RC3H1: variants seen among roughly 807,000 people sequenced by gnomAD.
The protein encoded by RC3H1 is roquin-1.
Under a neutral mutation model 138.2 loss-of-function variants are expected in RC3H1, and 50 were observed. The ratio of observed to expected loss-of-function variants is 0.36; its 90% confidence interval spans 0.29 to 0.46. The LOEUF (loss-of-function observed/expected upper bound fraction) is 0.46. RC3H1 is among the 20% of genes least tolerant of loss of function. RC3H1 has a pLI of 1.00. For missense variants in RC3H1, 1,031 were observed against 1,388.1 expected (o/e 0.74, Z 4.09); for synonymous variants, 462 against 489.1 (o/e 0.94, Z 0.73).
At chr1:173,986,542 T>TCTCC (rs376255558) in intron 2 of RC3H1, among the ~76,000 whole-genome samples, 12 of 151,216 alleles carry the variant, frequency 7.9e-5, no homozygotes, top group African/African-American at 2.2e-4. Flanking sequence ...GGCCTCCCTC[T>TCTCC]CTCCCTCCAT....
chr1:174,014,963 A>T (rs543677623), intron 1 of RC3H1, among the ~76,000 whole-genome samples: 1 of 152,352 alleles, frequency 6.6e-6, no homozygotes, highest in African/African-American at 2.4e-5. Flanking sequence ...ATAGCACAAT[A>T]TAACAGTTAA....
rs1658368784 is a variant in RC3H1 at position 173,931,265 on chromosome 1, A to G, written c.*7456T>C. On this transcript the variant is annotated 3_prime_UTR_variant, in exon 20 of 20. Transcript: ENST00000367696. ...AAATGCTGACAGAAAGCAGATAAAGACCTTGTAGACATTTTCATATATTTA... is the reference window on the plus strand; with the variant it reads ...AAATGCTGACAGAAAGCAGATAAAGGCCTTGTAGACATTTTCATATATTTA... 1 of 152,224 alleles carries G rather than the reference A, an allele frequency of 6.6e-6. No individual in the cohort carries two copies. The highest frequency in any genetic ancestry group is 6.5e-5 in the Admixed American group (1 of 15,276). 9.4% of individuals were successfully genotyped at this position (152,224 alleles called of 1,614,324 possible).
At chr1:174,003,302 C>T (rs1035913557) in intron 1 of RC3H1, among the ~76,000 whole-genome samples, 3 of 151,566 alleles carry the variant, frequency 2.0e-5, no homozygotes, top group South Asian at 2.1e-4. Context: ...CAGGAGAATT[C>T]CTTGAACCCA....
At chr1:173,960,245 G>A (rs912984728) in intron 13 of RC3H1, among the ~76,000 whole-genome samples, 8 of 151,740 alleles carry the variant, frequency 5.3e-5, no homozygotes, top group African/African-American at 1.9e-4. Context: ...AACCAAAAAT[G>A]CGCCATTGCA....
chr1:173,948,991 C>T (rs1226778634), intron 14 of RC3H1, among the ~76,000 whole-genome samples: 2 of 151,874 alleles, frequency 1.3e-5, no homozygotes, highest in African/African-American at 2.4e-5. Context: ...AAGTACAAGG[C>T]AAAGATTCCT....
At chr1:173,947,728 GT>G in intron 14 of RC3H1, 146 bp from the exon 15 acceptor site, 1 of 658,992 alleles carries the variant, frequency 1.5e-6, no homozygotes, top group Non-Finnish European at 2.6e-6. Flanking sequence ...TTGTTTTTAT[GT>G]AACACTGGTT....
intron 10 of RC3H1, 138 bp from the exon 11 acceptor site, chr1:173,964,325 A>G (rs1220642028): frequency 7.6e-6 from 5 of 658,638 alleles, no homozygotes; most frequent in Non-Finnish European, 1.0e-5. Flanking sequence ...TGCAATTTTT[A>G]AATCTTATTT....
At chr1:174,006,920 T>C (rs1411700518) in intron 1 of RC3H1, among the ~76,000 whole-genome samples, 1 of 152,152 alleles carries the variant, frequency 6.6e-6, no homozygotes, top group East Asian at 1.9e-4. Context: ...ATCAAGAGTG[T>C]TCAGTTCAAC....
In RC3H1 at chr1:173,983,537, G is replaced by T. The variant is rs779837851; in HGVS notation, c.473C>A (p.Ala158Asp). 1.2e-6 allele frequency: 2 copies of T among 1,614,102 alleles called. No homozygotes were observed. Among genetic ancestry groups the T allele is most frequent in the Non-Finnish European group, 1.7e-6 (2 of 1,180,052 alleles). ...AACTGTTCGTTCACCTAAAGATCGA[G>T]CTGCCCTCATGGCACGAATCCTGCC... ...EEGRIRAMRA[A>D]RSLGERTVTE... Residue 158 changes from alanine to aspartate, a missense_variant, in exon 4 of 20, where the codon GCT becomes GAT. By Grantham distance (126) the Ala-to-Asp change is moderately radical. Transcript: ENST00000367696.
rs185230724 is a variant in RC3H1 at position 173,954,166 on chromosome 1, T to A, written c.2371-2028A>T. On this transcript the variant is annotated intron_variant, in intron 13 of 19. Transcript: ENST00000367696. ...TGTTTTATTCCCAATAGCCAAGATATGGAATCAACCTAGGTATCCAGCAAC... is the reference window on the plus strand; with the variant it reads ...TGTTTTATTCCCAATAGCCAAGATAAGGAATCAACCTAGGTATCCAGCAAC... Among the ~76,000 whole-genome samples, 1,277 of 152,256 alleles carry A rather than the reference T, an allele frequency of 8.4e-3. 12 individuals carry two copies. The highest frequency in any genetic ancestry group is 0.029 in the African/African-American group (1,197 of 41,526).
chr1:173,988,947 T>G (rs1557945592), intron 2 of RC3H1, among the ~76,000 whole-genome samples: 2 of 152,246 alleles, frequency 1.3e-5, no homozygotes, highest in Non-Finnish European at 2.9e-5. Flanking sequence ...TATAAGTCTT[T>G]ATCAGAAATA....
chr1:173,973,179 T>C (rs1305868058), intron 7 of RC3H1, among the ~76,000 whole-genome samples: 3 of 152,188 alleles, frequency 2.0e-5, no homozygotes, highest in Non-Finnish European at 4.4e-5. Context: ...CTGTCTACAG[T>C]TAGTCAATTT....
chr1:174,004,486 A>G (rs1369000510), intron 1 of RC3H1, among the ~76,000 whole-genome samples: 1 of 151,698 alleles, frequency 6.6e-6, no homozygotes, highest in Non-Finnish European at 1.5e-5. Flanking sequence ...ATCAAGCTGG[A>G]GTATTTATGT....
Position 173,952,009 on chromosome 1 carries a change from C to T in RC3H1, c.2500G>A (p.Ala834Thr). 1 of 1,607,768 alleles carries T rather than the reference C, an allele frequency of 6.2e-7. No individual in the cohort carries two copies. Among genetic ancestry groups the T allele is most frequent in the East Asian group, 2.2e-5 (1 of 44,716 alleles). Reference sequence around the variant, plus strand: ...ACCATCATTTCCACACTCCCTGCTGCCACAACATCTTTGGGTTTTGCATCT... The same window carrying T: ...ACCATCATTTCCACACTCCCTGCTGTCACAACATCTTTGGGTTTTGCATCT... ...TKDAKPKDVV[A>T]AGSVEMMNVE... Residue 834 changes from alanine (A) to threonine (T), a missense_variant, in exon 14 of 20, where the codon GCA (alanine) becomes ACA (threonine). Around this residue, in one of 7 missense-constraint regions of RC3H1, gnomAD observed 716 missense variants for 837.9 expected, o/e 0.85. Transcript: ENST00000367696.
chr1:173,962,166 T>G, intron 11 of RC3H1, 71 bp from the exon 12 acceptor site: 1 of 1,348,404 alleles, frequency 7.4e-7, no homozygotes, highest in South Asian at 1.5e-5. Context: ...GATTTTACCT[T>G]TTAAAATACT....
chr1:173,943,376 A>ATAC lies in RC3H1; in HGVS notation c.3135+65_3135+66insGTA. ...TGAAGTGATGATTCTGTGCCTCTAG[A>ATAC]TAATTCTAGAGCCACATGAAAGATT... On this transcript the variant is annotated intron_variant, in intron 18 of 19. Transcript: ENST00000367696. 7 of 1,496,392 alleles carry ATAC rather than the reference A, an allele frequency of 4.7e-6. No homozygotes were observed. The South Asian group carries it at 9.0e-5, about 19-fold the overall frequency. The allele number at this position is 1,496,392 out of a possible 1,614,324, so 92.7% of individuals were successfully genotyped here.
intron 1 of RC3H1, among the ~76,000 whole-genome samples, chr1:173,994,836 T>C (rs1661426180): frequency 6.6e-6 from 1 of 151,266 alleles, no homozygotes; most frequent in Non-Finnish European, 1.5e-5. Context: ...CCTTATTCCA[T>C]TCCCAGGAAA....
At chr1:174,013,456 T>A (rs1040091037) in intron 1 of RC3H1, among the ~76,000 whole-genome samples, 7 of 151,406 alleles carry the variant, frequency 4.6e-5, no homozygotes, top group Non-Finnish European at 7.4e-5. Context: ...ATATATATAT[T>A]TTTTGAGACA....
intron 1 of RC3H1, among the ~76,000 whole-genome samples, chr1:174,016,651 G>A (rs977639741): frequency 3.3e-5 from 5 of 150,766 alleles, no homozygotes. Flanking sequence ...AATTTTTTTT[G>A]TACTTAGATC....
Sources: gnomAD v4.1 joint callset for allele counts (sites outside exome capture counted in the v4.1 genomes callset) on GRCh38, gnomAD v4.1.1 for gene constraint, gnomAD v4.1.1 regional missense constraint, MANE v1.5 for transcripts, NCBI Gene and HGNC (gene_info 2026-07-23, HGNC 2026-07-21) for gene names.